ANKS1B: variants seen among roughly 807,000 people sequenced by gnomAD.
ANKS1B encodes the protein ankyrin repeat and sterile alpha motif domain-containing protein 1B.
In ANKS1B, 36 loss-of-function variants were observed where a neutral mutation model predicts 148.3. That is an observed-to-expected ratio of 0.24 (90% CI 0.19 to 0.32). The LOEUF (loss-of-function observed/expected upper bound fraction) is 0.32. Among genes scored for constraint, ANKS1B ranks in the 10% least tolerant of loss-of-function variants. The pLI is 1.00. For missense variants in ANKS1B, 1,157 were observed against 1,542.6 expected (o/e 0.75, Z 4.19); for synonymous variants, 542 against 560.8 (o/e 0.97, Z 0.47).
intron 24 of ANKS1B, among the ~76,000 whole-genome samples, chr12:98,774,255 C>A (rs1200668038): frequency 6.6e-6 from 1 of 152,208 alleles, no homozygotes; most frequent in Non-Finnish European, 1.5e-5. Context: ...TGGGGTGGAA[C>A]TGAAATTTGG....
chr12:99,325,265 C>T (rs961730866), intron 12 of ANKS1B, among the ~76,000 whole-genome samples: 1 of 152,038 alleles, frequency 6.6e-6, no homozygotes, highest in African/African-American at 2.4e-5. Flanking sequence ...CCTATCACAG[C>T]AACATGAATC....
At chr12:99,366,110 A>T (rs1009457370) in intron 12 of ANKS1B, among the ~76,000 whole-genome samples, 2 of 151,580 alleles carry the variant, frequency 1.3e-5, no homozygotes, top group Non-Finnish European at 2.9e-5. Flanking sequence ...GTTTCTCTAG[A>T]CTCCCAAATC....
intron 17 of ANKS1B, among the ~76,000 whole-genome samples, chr12:98,965,265 C>G (rs776270925): frequency 5.3e-5 from 8 of 152,200 alleles, no homozygotes; most frequent in Non-Finnish European, 1.2e-4. Context: ...AATCCTAACT[C>G]TACCTCATAA....
At chr12:99,510,997 T>A (rs573257407) in intron 9 of ANKS1B, among the ~76,000 whole-genome samples, 2 of 152,092 alleles carry the variant, frequency 1.3e-5, no homozygotes, top group South Asian at 4.1e-4. Flanking sequence ...CTTCTCTTCC[T>A]ATTTGAATAC....
intron 17 of ANKS1B, among the ~76,000 whole-genome samples, chr12:98,999,143 G>A (rs547136496): frequency 1.3e-5 from 2 of 152,350 alleles, no homozygotes; most frequent in African/African-American, 4.8e-5. Flanking sequence ...TTTGGCTGCT[G>A]AGATACACCG....
chr12:99,489,043 A>G (rs1367226047), intron 10 of ANKS1B, among the ~76,000 whole-genome samples: 1 of 152,156 alleles, frequency 6.6e-6, no homozygotes, highest in East Asian at 1.9e-4. Flanking sequence ...GGAGTTTGAG[A>G]CCAGTCTGAC....
intron 11 of ANKS1B, among the ~76,000 whole-genome samples, chr12:99,409,378 G>A (rs2094613915): frequency 6.6e-6 from 1 of 152,146 alleles, no homozygotes; most frequent in East Asian, 1.9e-4. Context: ...GTGGTGGGGG[G>A]AGTGGGAATA....
Position 99,092,858 on chromosome 12 carries a change from A to G in ANKS1B, c.2527-7835T>C, listed in dbSNP as rs540623928. 1.1e-4 allele frequency among the ~76,000 whole-genome samples: 17 copies of G among 152,340 alleles called. No homozygotes were observed. The East Asian group carries it at 3.3e-3, about 29-fold the overall frequency. On this transcript the variant is annotated intron_variant, in intron 15 of 26. Coordinates refer to ENST00000683438, the MANE Select transcript of ANKS1B (RefSeq NM_001352186.2). Reference sequence around the variant, plus strand: ...AGCAGGTACTTCACCCACCTTATTTATAAACCTTACAGCACTCTTGTAACA... The same window carrying G: ...AGCAGGTACTTCACCCACCTTATTTGTAAACCTTACAGCACTCTTGTAACA...
chr12:99,819,349 G>T (rs138761659), intron 2 of ANKS1B, among the ~76,000 whole-genome samples: 64 of 151,894 alleles, frequency 4.2e-4, no homozygotes, highest in African/African-American at 1.4e-3. Flanking sequence ...GATGACTAAA[G>T]ATGTTTCTAG....
At chr12:98,799,600 G>T (rs1304921877) in intron 21 of ANKS1B, among the ~76,000 whole-genome samples, 1 of 152,024 alleles carries the variant, frequency 6.6e-6, no homozygotes, top group Non-Finnish European at 1.5e-5. Flanking sequence ...CTGGTGCGAA[G>T]TGCCACCTGG....
chr12:99,411,425 TACC>T (rs1249362819), intron 11 of ANKS1B, among the ~76,000 whole-genome samples: 5 of 152,222 alleles, frequency 3.3e-5, no homozygotes, highest in African/African-American at 1.2e-4. Flanking sequence ...AGTGTATATG[TACC>T]ACATTTTCTT....
At chr12:99,671,175 T>G (rs376264457) in intron 8 of ANKS1B, among the ~76,000 whole-genome samples, 10 of 152,142 alleles carry the variant, frequency 6.6e-5, no homozygotes, top group Non-Finnish European at 1.2e-4. Context: ...TATTTTCTAT[T>G]ATTTGTGTAT....
intron 14 of ANKS1B, among the ~76,000 whole-genome samples, chr12:99,163,476 T>TGTGC (rs1555318172): frequency 6.9e-6 from 1 of 145,668 alleles, no homozygotes; most frequent in Admixed American, 6.9e-5. Context: ...TCTGTGTGTG[T>TGTGC]GTGTGTGTGT....
At chr12:99,478,618 GTAGT>G (rs1160427097) in intron 10 of ANKS1B, among the ~76,000 whole-genome samples, 1 of 152,092 alleles carries the variant, frequency 6.6e-6, no homozygotes, top group Non-Finnish European at 1.5e-5. Context: ...AAATATTTGT[GTAGT>G]GAGTGAGAAA....
At chr12:98,788,322 C>T (rs1051185897) in intron 22 of ANKS1B, among the ~76,000 whole-genome samples, 6 of 151,552 alleles carry the variant, frequency 4.0e-5, no homozygotes, top group South Asian at 2.1e-4. Flanking sequence ...CTTAGGTCTT[C>T]GTTTCTGCAA....
chr12:98,822,223 A>T (rs1019502165), intron 19 of ANKS1B, among the ~76,000 whole-genome samples: 5 of 152,194 alleles, frequency 3.3e-5, no homozygotes, highest in Admixed American at 1.3e-4. Flanking sequence ...ATTAACCAAG[A>T]CAGGGCCACA....
chr12:99,414,919 G>A (rs955127382), intron 11 of ANKS1B, among the ~76,000 whole-genome samples: 1 of 152,218 alleles, frequency 6.6e-6, no homozygotes, highest in African/African-American at 2.4e-5. Flanking sequence ...AAGCATGAGT[G>A]TGGAGTTTGT....
At chr12:98,819,171 G>A (rs2153656753) in intron 19 of ANKS1B, among the ~76,000 whole-genome samples, 1 of 152,276 alleles carries the variant, frequency 6.6e-6, no homozygotes, top group East Asian at 1.9e-4. Context: ...TAGGATTATT[G>A]GATGAGTAAC....
intron 17 of ANKS1B, among the ~76,000 whole-genome samples, chr12:98,946,433 T>C (rs2099845632): frequency 6.6e-6 from 1 of 152,234 alleles, no homozygotes; most frequent in Non-Finnish European, 1.5e-5. Context: ...TAATTACAAC[T>C]GTCTGCTGTG....
Sources: allele counts gnomAD v4.1 joint callset (sites outside exome capture counted in the v4.1 genomes callset), GRCh38; gene constraint gnomAD v4.1.1; transcripts MANE v1.5; gene names NCBI Gene and HGNC (gene_info 2026-07-23, HGNC 2026-07-21).